EBF1: variants seen among roughly 807,000 people sequenced by gnomAD.
The protein encoded by EBF1 is transcription factor COE1.
EBF1 carries 10 observed loss-of-function variants against 68.4 expected under a neutral mutation model. The ratio of observed to expected loss-of-function variants is 0.15; its 90% confidence interval spans 0.09 to 0.25. The LOEUF (loss-of-function observed/expected upper bound fraction) is 0.25. EBF1 is among the 10% of genes least tolerant of loss of function. The pLI is 1.00. For synonymous variants in EBF1, 298 were observed against 299.8 expected, an observed-to-expected ratio of 0.99 and a Z score of 0.06; for missense variants, 509 against 794.4, an observed-to-expected ratio of 0.64 and a Z score of 4.32.
intron 6 of EBF1, among the ~76,000 whole-genome samples, chr5:158,954,510 C>A (rs2127513497): frequency 6.6e-6 from 1 of 152,338 alleles, no homozygotes; most frequent in African/African-American, 2.4e-5. Flanking sequence ...AGGGTGCCCC[C>A]AACTTAATAA....
chr5:158,786,454 G>A (rs550219260), intron 9 of EBF1, among the ~76,000 whole-genome samples: 1 of 152,218 alleles, frequency 6.6e-6, no homozygotes, highest in South Asian at 2.1e-4. Flanking sequence ...TCTCTTCCCA[G>A]GATGTAGATC....
intron 6 of EBF1, among the ~76,000 whole-genome samples, chr5:158,924,852 CA>C (rs34744460): frequency 6.2e-3 from 314 of 50,882 alleles, no homozygotes; most frequent in African/African-American, 0.016. Flanking sequence ...GACTCTGTCT[CA>C]AAAAAAAAAA....
chr5:158,724,507 C>T (rs893391159), intron 11 of EBF1, among the ~76,000 whole-genome samples: 15 of 152,182 alleles, frequency 9.9e-5, no homozygotes, highest in Non-Finnish European at 1.5e-5. Context: ...TTTTGAATTA[C>T]TGATAGTCTT....
chr5:158,812,510 G>T (rs1782867907), intron 8 of EBF1, among the ~76,000 whole-genome samples: 1 of 152,124 alleles, frequency 6.6e-6, no homozygotes. Flanking sequence ...GCTGACAGAT[G>T]TTAAGGTTAG....
At chr5:158,908,931 T>C (rs1032815326) in intron 6 of EBF1, among the ~76,000 whole-genome samples, 2 of 152,164 alleles carry the variant, frequency 1.3e-5, no homozygotes, top group Non-Finnish European at 2.9e-5. Context: ...TTGCCATGCA[T>C]CAATGCCACT....
At chr5:159,003,299 A>G (rs1762927767) in intron 6 of EBF1, among the ~76,000 whole-genome samples, 1 of 152,206 alleles carries the variant, frequency 6.6e-6, no homozygotes, top group Non-Finnish European at 1.5e-5. Flanking sequence ...GCTGATGAAC[A>G]TGCAGTGTCT....
chr5:158,909,144 AAAAG>A (rs373804449), intron 6 of EBF1, among the ~76,000 whole-genome samples: 2 of 152,176 alleles, frequency 1.3e-5, no homozygotes, highest in African/African-American at 4.8e-5. Context: ...AACAGAAAGA[AAAAG>A]AAAGAAAGAA....
intron 6 of EBF1, among the ~76,000 whole-genome samples, chr5:158,852,798 A>G (rs909148863): frequency 2.6e-4 from 40 of 152,174 alleles, no homozygotes; most frequent in African/African-American, 9.2e-4. Context: ...ACGAACAATG[A>G]CAGCATTTAG....
chr5:159,045,416 C>A (rs1171629185), intron 6 of EBF1, among the ~76,000 whole-genome samples: 3 of 145,184 alleles, frequency 2.1e-5, no homozygotes, highest in African/African-American at 7.9e-5. Flanking sequence ...TTTTTTTTTC[C>A]CCTTGTATTT....
chr5:158,827,921 C>A (rs887896125), intron 7 of EBF1, among the ~76,000 whole-genome samples: 8 of 151,912 alleles, frequency 5.3e-5, no homozygotes, highest in Non-Finnish European at 1.0e-4. Context: ...TATTTCCTTC[C>A]AAAAAATAAA....
intron 10 of EBF1, among the ~76,000 whole-genome samples, chr5:158,743,547 C>T (rs186648907): frequency 6.6e-6 from 1 of 152,212 alleles, no homozygotes; most frequent in Non-Finnish European, 1.5e-5. Flanking sequence ...TGAAGGTTGG[C>T]TCTTAAAGGC....
intron 9 of EBF1, among the ~76,000 whole-genome samples, chr5:158,795,705 A>G (rs1029315150): frequency 2.6e-5 from 4 of 152,182 alleles, no homozygotes; most frequent in African/African-American, 9.6e-5. Flanking sequence ...AGACAAGTCA[A>G]CTGGTAGGTT....
chr5:158,901,603 C>G (rs1410584094), intron 6 of EBF1, among the ~76,000 whole-genome samples: 1 of 152,170 alleles, frequency 6.6e-6, no homozygotes, highest in African/African-American at 2.4e-5. Flanking sequence ...CAAGCATTTT[C>G]CATAATAATA....
chr5:159,070,015 A>G (rs1254985826), intron 6 of EBF1, among the ~76,000 whole-genome samples: 2 of 152,192 alleles, frequency 1.3e-5, no homozygotes, highest in East Asian at 3.8e-4. Flanking sequence ...CCTTAATTCA[A>G]TAACTGGAAG....
intron 9 of EBF1, among the ~76,000 whole-genome samples, chr5:158,784,698 A>C (rs1777070002): frequency 6.6e-6 from 1 of 152,180 alleles, no homozygotes; most frequent in East Asian, 1.9e-4. Context: ...TTAAAAGTAA[A>C]GAAAAAAAGT....
intron 6 of EBF1, among the ~76,000 whole-genome samples, chr5:158,935,623 C>A (rs1811847740): frequency 6.6e-6 from 1 of 152,210 alleles, no homozygotes; most frequent in South Asian, 2.1e-4. Flanking sequence ...TAGAAAAAGA[C>A]AAACTAACAT....
intron 11 of EBF1, among the ~76,000 whole-genome samples, chr5:158,720,865 A>G (rs1761795949): frequency 6.6e-6 from 1 of 152,206 alleles, no homozygotes; most frequent in Non-Finnish European, 1.5e-5. Flanking sequence ...ATGTATAACA[A>G]TTATATTTTA....
chr5:158,698,422 G>A lies in EBF1; in HGVS notation c.*689C>T, dbSNP rs767196725. The A allele has an allele frequency of 1.2e-4, 27 of 222,636 alleles. No homozygotes were observed. Among genetic ancestry groups the A allele is most frequent in the South Asian group, 7.4e-4 (4 of 5,432 alleles). 13.8% of individuals were successfully genotyped at this position (222,636 alleles called of 1,614,324 possible). Reference sequence around the variant, plus strand: ...AGGGAAAAATGTGATCACTTACATCGCGTTTTAACTTTCCAGGCTGCATTT... The same window carrying A: ...AGGGAAAAATGTGATCACTTACATCACGTTTTAACTTTCCAGGCTGCATTT... On this transcript the variant is annotated 3_prime_UTR_variant, in exon 16 of 16. Coordinates refer to ENST00000313708, the MANE Select transcript of EBF1 (RefSeq NM_024007.5).
intron 6 of EBF1, among the ~76,000 whole-genome samples, chr5:158,976,244 C>T (rs1756718560): frequency 6.6e-6 from 1 of 152,172 alleles, no homozygotes; most frequent in African/African-American, 2.4e-5. Flanking sequence ...GGCTCCCAAG[C>T]CTCTTGATGA....
Sources: allele counts gnomAD v4.1 joint callset (sites outside exome capture counted in the v4.1 genomes callset), GRCh38; gene constraint gnomAD v4.1.1; transcripts MANE v1.5; gene names NCBI Gene and HGNC (gene_info 2026-07-23, HGNC 2026-07-21).